CTNNA3: variants seen among roughly 807,000 people sequenced by gnomAD.
CTNNA3 encodes the protein catenin alpha 3.
CTNNA3 carries 76 observed loss-of-function variants against 95.7 expected under a neutral mutation model. The observed-to-expected ratio is 0.79, with a 90% CI of 0.66 to 0.96. The LOEUF (loss-of-function observed/expected upper bound fraction) is 0.96, where lower values mean the gene tolerates loss of function less well. CTNNA3 is among the 40% of genes least tolerant of loss of function. CTNNA3 has a pLI of 0.00. For synonymous variants in CTNNA3, 431 were observed against 374.4 expected (o/e 1.15, Z -1.74); for missense variants, 1,191 against 1,089.8 (o/e 1.09, Z -1.31).
In CTNNA3 at chr10:66,716,637, G is replaced by A. The variant is rs79739012; in HGVS notation, c.1281+49627C>T. Among the ~76,000 whole-genome samples, 641 of 152,276 alleles carry A rather than the reference G, an allele frequency of 4.2e-3. 6 individuals are homozygous for A. The highest frequency in any genetic ancestry group is 0.015 in the African/African-American group (627 of 41,560). ...CAGAGGCATTTATGTTTGTGTTTTT[G>A]TCATATGTGGGGCCCTCTAATGCAT... On this transcript the variant is annotated intron_variant, in intron 9 of 17. Coordinates refer to ENST00000433211, the MANE Select transcript of CTNNA3 (RefSeq NM_013266.4).
At chr10:66,218,654 TAA>T (rs1283714267) in intron 13 of CTNNA3, among the ~76,000 whole-genome samples, 1 of 152,208 alleles carries the variant, frequency 6.6e-6, no homozygotes, top group Non-Finnish European at 1.5e-5. Context: ...CTTAAGAAGC[TAA>T]GTTTTGTGTT....
At chr10:67,138,401 T>C (rs187526597) in intron 7 of CTNNA3, among the ~76,000 whole-genome samples, 1 of 152,350 alleles carries the variant, frequency 6.6e-6, no homozygotes, top group Admixed American at 6.5e-5. Context: ...TCATAATCTG[T>C]AGCAAACTAA....
intron 9 of CTNNA3, among the ~76,000 whole-genome samples, chr10:66,651,800 G>GGCCCTTGATCGTGGCACACAGCAGC (rs138035312): frequency 5.9e-5 from 9 of 151,466 alleles, no homozygotes; most frequent in African/African-American, 2.2e-4. Context: ...AACCCGCATT[G>GGCCCTTGATCGTGGCACACAGCAGC]GCCGGTTCCC....
At chr10:66,265,249 G>A (rs142334855) in intron 13 of CTNNA3, among the ~76,000 whole-genome samples, 80 of 152,070 alleles carry the variant, frequency 5.3e-4, no homozygotes, top group Non-Finnish European at 1.0e-3. Context: ...CAGGAGACCT[G>A]AATTCTAATC....
At chr10:66,297,579 A>G (rs560775160) in intron 12 of CTNNA3, among the ~76,000 whole-genome samples, 2 of 152,278 alleles carry the variant, frequency 1.3e-5, no homozygotes, top group South Asian at 2.1e-4. Flanking sequence ...TCCTACATTT[A>G]TAGAGTCTCA....
chr10:66,152,847 C>T (rs1020523002), intron 13 of CTNNA3, among the ~76,000 whole-genome samples: 4 of 152,042 alleles, frequency 2.6e-5, no homozygotes, highest in African/African-American at 9.6e-5. Flanking sequence ...TCACTGAGCT[C>T]CAGGAATGTG....
At chr10:66,395,582 T>C (rs944577504) in intron 11 of CTNNA3, among the ~76,000 whole-genome samples, 4 of 152,136 alleles carry the variant, frequency 2.6e-5, no homozygotes, top group Admixed American at 2.0e-4. Context: ...TTCAATGTGG[T>C]TCATCTTACC....
chr10:67,049,039 T>A (rs997476123), intron 7 of CTNNA3, among the ~76,000 whole-genome samples: 2 of 151,972 alleles, frequency 1.3e-5, no homozygotes, highest in East Asian at 1.9e-4. Context: ...GGTTTTTTTT[T>A]TTTTTGTACT....
intron 12 of CTNNA3, 147 bp downstream of exon 12, chr10:66,379,005 C>T (rs2092815595): frequency 4.7e-6 from 3 of 641,114 alleles, no homozygotes; most frequent in South Asian, 1.9e-5. Flanking sequence ...AATTTCAAAT[C>T]GCATAACCAA....
chr10:67,268,239 G>T (rs893514090), intron 5 of CTNNA3, among the ~76,000 whole-genome samples: 1 of 151,710 alleles, frequency 6.6e-6, no homozygotes, highest in African/African-American at 2.4e-5. Flanking sequence ...GCGAAGGCAG[G>T]AGGATTGATT....
intron 5 of CTNNA3, among the ~76,000 whole-genome samples, chr10:67,486,381 G>A (rs953319207): frequency 6.6e-6 from 1 of 152,014 alleles, no homozygotes; most frequent in African/African-American, 2.4e-5. Flanking sequence ...AATTCCAATA[G>A]ATCTTCTAGT....
At chr10:66,441,276 T>C (rs780768389) in intron 11 of CTNNA3, among the ~76,000 whole-genome samples, 35 of 152,132 alleles carry the variant, frequency 2.3e-4, no homozygotes, top group Non-Finnish European at 4.7e-4. Context: ...AATGTGACAA[T>C]TGACAGAAAA....
intron 17 of CTNNA3, among the ~76,000 whole-genome samples, chr10:65,921,071 C>A (rs533025513): frequency 3.9e-5 from 6 of 152,214 alleles, no homozygotes; most frequent in Admixed American, 3.9e-4. Context: ...ATAAATCTTA[C>A]TTTTATTATA....
chr10:66,304,534 C>T (rs1029595497), intron 12 of CTNNA3, among the ~76,000 whole-genome samples: 26 of 152,066 alleles, frequency 1.7e-4, no homozygotes, highest in African/African-American at 5.8e-4. Context: ...ATAATCCATA[C>T]GCTCATCAGT....
intron 5 of CTNNA3, among the ~76,000 whole-genome samples, chr10:67,389,475 C>A (rs572946566): frequency 8.7e-4 from 133 of 152,174 alleles, no homozygotes; most frequent in African/African-American, 3.1e-3. Context: ...GACTTTAACA[C>A]CCCACTGTCA....
chr10:66,064,271 C>T (rs1346289943), intron 15 of CTNNA3, among the ~76,000 whole-genome samples: 1 of 152,132 alleles, frequency 6.6e-6, no homozygotes, highest in African/African-American at 2.4e-5. Context: ...ATTCAATTGC[C>T]TTCACCTGGT....
chr10:66,932,692 AT>A (rs1847470654), intron 7 of CTNNA3, among the ~76,000 whole-genome samples: 1 of 72,094 alleles, frequency 1.4e-5, no homozygotes, highest in Non-Finnish European at 4.4e-5. Flanking sequence ...CTAATTAAAA[AT>A]GAATTAAAGA....
At chr10:66,184,584 T>A (rs1164409109) in intron 13 of CTNNA3, among the ~76,000 whole-genome samples, 1 of 152,222 alleles carries the variant, frequency 6.6e-6, no homozygotes, top group Non-Finnish European at 1.5e-5. Flanking sequence ...GTTAACTCTA[T>A]ACTATAAATC....
chr10:67,412,577 A>C (rs570311872), intron 5 of CTNNA3, among the ~76,000 whole-genome samples: 3 of 152,218 alleles, frequency 2.0e-5, no homozygotes, highest in Non-Finnish European at 4.4e-5. Flanking sequence ...AGATCAATGC[A>C]AAAGAAGAAA....
Sources: gnomAD v4.1 joint callset for allele counts (sites outside exome capture counted in the v4.1 genomes callset) on GRCh38, gnomAD v4.1.1 for gene constraint, MANE v1.5 for transcripts, NCBI Gene and HGNC (gene_info 2026-07-23, HGNC 2026-07-21) for gene names.